The following LRP12 variants were observed in gnomAD, a reference collection of about 807,000 sequenced individuals.
LRP12 encodes the protein LDL receptor related protein 12.
A neutral mutation model predicts 66.0 loss-of-function variants in LRP12; 14 were observed. The observed-to-expected ratio is 0.21, with a 90% confidence interval of 0.14 to 0.33. LRP12 has a LOEUF of 0.33. Among genes scored for constraint, LRP12 ranks in the 10% least tolerant of loss-of-function variants. LRP12 has a pLI of 1.00. For missense variants in LRP12, 889 were observed against 1,053.4 expected (o/e 0.84, Z 2.16); for synonymous variants, 357 against 359.1 (o/e 0.99, Z 0.07).
At chr8:104,546,232 T>C (rs544252104) in intron 1 of LRP12, among the ~76,000 whole-genome samples, 1 of 152,270 alleles carries the variant, frequency 6.6e-6, no homozygotes, top group African/African-American at 2.4e-5. Context: ...AAGGCAGTTA[T>C]CTTTATAAAA....
intron 1 of LRP12, among the ~76,000 whole-genome samples, chr8:104,556,709 C>G (rs1811814940): frequency 6.6e-6 from 1 of 152,140 alleles, no homozygotes; most frequent in Non-Finnish European, 1.5e-5. Context: ...GGTACCAATC[C>G]CATTAACACT....
chr8:104,504,911 T>C (rs1192113605), intron 3 of LRP12: 1 of 152,254 alleles, frequency 6.6e-6, no homozygotes, highest in Non-Finnish European at 1.5e-5. Flanking sequence ...AATACCCCAA[T>C]TGTTACTAGT....
chr8:104,551,766 G>C (rs1286511921), intron 1 of LRP12, among the ~76,000 whole-genome samples: 1 of 151,990 alleles, frequency 6.6e-6, no homozygotes, highest in Non-Finnish European at 1.5e-5. Flanking sequence ...ACTAAATGTT[G>C]ACTACCTCAG....
rs1040065311 is a variant in LRP12 at position 104,498,806 on chromosome 8, T to C, written c.475+511A>G. Among the ~76,000 whole-genome samples the C allele has an allele frequency of 3.9e-5, 6 of 152,232 alleles. No individual in the cohort carries two copies. The South Asian group carries it at 1.0e-3, about 26-fold the overall frequency. On this transcript the variant is annotated intron_variant, in intron 4 of 6. Transcript: ENST00000276654. ...TTGTTAAATACTTATTATTATTCCA[T>C]GAAGATCTTGCATTTTGATCTAAAA...
At chr8:104,529,876 G>T (rs2140861166) in intron 2 of LRP12, among the ~76,000 whole-genome samples, 1 of 152,210 alleles carries the variant, frequency 6.6e-6, no homozygotes, top group South Asian at 2.1e-4. Context: ...ACCATTATCT[G>T]AAAAAGGCTA....
chr8:104,530,211 C>T (rs1312311557), intron 2 of LRP12, among the ~76,000 whole-genome samples: 1 of 152,098 alleles, frequency 6.6e-6, no homozygotes, highest in African/African-American at 2.4e-5. Context: ...ATATTGGTAG[C>T]TGTAGCCCAT....
chr8:104,530,791 TTAAC>T (rs1433558159), intron 2 of LRP12, among the ~76,000 whole-genome samples: 16 of 152,342 alleles, frequency 1.1e-4, no homozygotes, highest in African/African-American at 3.4e-4. Flanking sequence ...ATAATTCTCA[TTAAC>T]TATTCAAAAT....
intron 1 of LRP12, among the ~76,000 whole-genome samples, chr8:104,567,465 G>A (rs528844535): frequency 1.3e-5 from 2 of 152,228 alleles, no homozygotes; most frequent in South Asian, 2.1e-4. Flanking sequence ...CCCATAACAC[G>A]AGGGAATTCT....
Position 104,588,844 on chromosome 8 carries a change from GAGCAA to G in LRP12, c.49_53del (p.Leu18AlafsTer17). The G allele has an allele frequency of 6.2e-7, 1 of 1,612,684 alleles. No individual in the cohort carries two copies. Among genetic ancestry groups the G allele is most frequent in the Non-Finnish European group, 8.5e-7 (1 of 1,179,446 alleles). ...CGTACACCCCAGCGAGGAAAAGCAA[GAGCAA>G]CGCAGACCTCCACCGCGGAGACTCT... On this transcript the variant is annotated frameshift_variant, in exon 1 of 7. Transcript: ENST00000276654. LOFTEE classifies it high-confidence loss of function.
At chr8:104,492,016 C>T (rs1810641124) in intron 6 of LRP12, among the ~76,000 whole-genome samples, 1 of 151,024 alleles carries the variant, frequency 6.6e-6, no homozygotes, top group Non-Finnish European at 1.5e-5. Flanking sequence ...ATTTACAAGG[C>T]TTAACTTTTC....
rs755596891 is a variant in LRP12, at chr8:104,588,878, G to A, written c.20C>T (p.Thr7Ile). The A allele has an allele frequency of 3.7e-6, 6 of 1,610,996 alleles. No homozygotes were observed. Among genetic ancestry groups the A allele is most frequent in the East Asian group, 4.5e-5 (2 of 44,694 alleles). The change falls in exon 1 of 7, where the codon ACA (threonine) becomes ATA (isoleucine). Residue 7 changes from threonine to isoleucine, a missense_variant. Thr to Ile is a moderately conservative substitution (Grantham distance 89). Coordinates refer to ENST00000276654, the MANE Select transcript of LRP12 (RefSeq NM_013437.5). MACRWS[T>I]KESPRWRSAL... ...AGACCTCCACCGCGGAGACTCTTTT[G>A]TGCTCCAGCGACAGGCCATAACCAC...
Position 104,497,561 on chromosome 8 carries a change from C to T in LRP12, c.991G>A (p.Val331Met), listed in dbSNP as rs1810753865. The T allele has an allele frequency of 2.5e-6, 4 of 1,613,538 alleles. No homozygotes were observed. The South Asian group carries it at 3.3e-5, about 13-fold the overall frequency. Residue 331 changes from valine to methionine, a missense_variant, in exon 5 of 7, where the codon GTG (valine) becomes ATG (methionine). Physicochemically the swap from Val to Met is conservative, Grantham distance 21. Coordinates refer to ENST00000276654, the MANE Select transcript of LRP12 (RefSeq NM_013437.5). The surrounding 1 kb of genome is among the most constrained non-coding windows in gnomAD (Gnocchi z 4.3). ...LEENPHKLLR[V>M]LTAFDSHAPL... ...GCATGAGAATCAAAAGCTGTCAACA[C>T]ACGCAAAAGCTTGTGTGGATTCTCC...
At chr8:104,547,633 A>C (rs1330092678) in intron 1 of LRP12, among the ~76,000 whole-genome samples, 1 of 125,496 alleles carries the variant, frequency 8.0e-6, no homozygotes, top group Non-Finnish European at 1.6e-5. Flanking sequence ...ATATATAATA[A>C]ATATATATTA....
At chr8:104,531,118 G>C (rs558706382) in intron 2 of LRP12, among the ~76,000 whole-genome samples, 3 of 152,052 alleles carry the variant, frequency 2.0e-5, no homozygotes, top group Non-Finnish European at 2.9e-5. Context: ...ATTACAAGAT[G>C]ACACAAAGAA....
chr8:104,560,897 TA>T (rs1437653135), intron 1 of LRP12, among the ~76,000 whole-genome samples: 1 of 152,180 alleles, frequency 6.6e-6, no homozygotes, highest in Non-Finnish European at 1.5e-5. Flanking sequence ...ACTGACTAGT[TA>T]AAGAAGCCAC....
chr8:104,555,765 G>A (rs1811797708), intron 1 of LRP12, among the ~76,000 whole-genome samples: 1 of 151,970 alleles, frequency 6.6e-6, no homozygotes, highest in African/African-American at 2.4e-5. Context: ...AAGACAGAAA[G>A]TCAACAAAGA....
chr8:104,577,356 G>C (rs1007533048), intron 1 of LRP12, among the ~76,000 whole-genome samples: 5 of 152,030 alleles, frequency 3.3e-5, no homozygotes, highest in African/African-American at 1.2e-4. Flanking sequence ...AAATACAAAA[G>C]AAATGAAATA....
At chr8:104,580,821 G>A (rs1812238991) in intron 1 of LRP12, among the ~76,000 whole-genome samples, 2 of 152,192 alleles carry the variant, frequency 1.3e-5, no homozygotes, top group South Asian at 4.1e-4. Context: ...AGGAATGCTT[G>A]TACACTGTTG....
intron 1 of LRP12, among the ~76,000 whole-genome samples, chr8:104,553,930 A>G (rs1412482853): frequency 6.6e-6 from 1 of 152,162 alleles, no homozygotes; most frequent in East Asian, 1.9e-4. Flanking sequence ...TAGCTGAGAG[A>G]CCTGAAGATG....
Sources: allele counts gnomAD v4.1 joint callset (sites outside exome capture counted in the v4.1 genomes callset), GRCh38; gene constraint gnomAD v4.1.1; non-coding constraint Gnocchi (gnomAD v3.1); transcripts MANE v1.5; gene names NCBI Gene and HGNC (gene_info 2026-07-23, HGNC 2026-07-21).